PRR14L: variants seen among roughly 807,000 people sequenced by gnomAD.
PRR14L encodes protein PRR14L.
In PRR14L, 80 loss-of-function variants were observed where a neutral mutation model predicts 155.0. That is an observed-to-expected ratio of 0.52 (90% CI 0.43 to 0.62). The LOEUF is 0.62. Among genes scored for constraint, PRR14L ranks in the 20% least tolerant of loss-of-function variants. The pLI, the probability that PRR14L is intolerant of heterozygous loss-of-function variation, is 0.00. For missense variants in PRR14L, 2,469 were observed against 2,548.0 expected (o/e 0.97, Z 0.67); for synonymous variants, 883 against 916.0 (o/e 0.96, Z 0.65).
At chr22:31,699,177 C>T (rs1342459746) in intron 7 of PRR14L, among the ~76,000 whole-genome samples, 1 of 152,062 alleles carries the variant, frequency 6.6e-6, no homozygotes, top group Non-Finnish European at 1.5e-5. Flanking sequence ...GCTGGGATTA[C>T]AGGCGTGTGC....
At chr22:31,705,872 G>A (rs923975982) in intron 4 of PRR14L, among the ~76,000 whole-genome samples, 1 of 151,756 alleles carries the variant, frequency 6.6e-6, no homozygotes. Flanking sequence ...GTGGTGGTGG[G>A]TACTTGTAAT....
At position 31,712,760 on chromosome 22, in the gene PRR14L, G is replaced by C; in HGVS notation, c.5079C>G (p.Leu1693=). ...CTATGAAGGTCATCTTGATGGATTC[G>C]AGAGAATAAAGTGCCATGGGCTTAC... ...PNSKPMALYS[L]ESIKMTFIDL... is the part of the protein sequence containing the mutation. The change falls in exon 4 of 9, where the codon CTC becomes CTG. Residue 1693 remains leucine, a synonymous_variant. Transcript: ENST00000327423. 1 of 1,551,840 alleles carries C rather than the reference G, an allele frequency of 6.4e-7. No homozygotes were observed. The highest frequency in any genetic ancestry group is 8.7e-7 in the Non-Finnish European group (1 of 1,147,028).
intron 7 of PRR14L, among the ~76,000 whole-genome samples, chr22:31,696,331 G>C (rs998237642): frequency 6.6e-6 from 1 of 151,896 alleles, no homozygotes; most frequent in African/African-American, 2.4e-5. Flanking sequence ...AATAGAGATG[G>C]GGTTTCACCA....
rs1556456284 is a variant in PRR14L, at chr22:31,702,215, CTTTT to C, written c.6001-457_6001-454del. The stretch of plus-strand genomic sequence containing the variant: ...GACAAAGCTCCCACTTCTATTCCTG[CTTTT>C]TTTATTATTTATTTATTTTTTTGAT... On this transcript the variant is annotated intron_variant, in intron 6 of 8. Coordinates refer to ENST00000327423, the MANE Select transcript of PRR14L (RefSeq NM_173566.3). Among the ~76,000 whole-genome samples the C allele has an allele frequency of 1.9e-3, 284 of 149,468 alleles. 1 individual carries two copies. Among genetic ancestry groups the C allele is most frequent in the Non-Finnish European group, 3.0e-3 (206 of 67,944 alleles).
chr22:31,743,401 G>A (rs897821541), intron 1 of PRR14L, among the ~76,000 whole-genome samples: 5 of 152,162 alleles, frequency 3.3e-5, no homozygotes, highest in Non-Finnish European at 7.4e-5. Context: ...CAATTATGGT[G>A]ATGGCTGTAG....
rs1331597727 is a variant in PRR14L at position 31,715,146 on chromosome 22, A to C, written c.2693T>G (p.Leu898Arg). The change falls in exon 4 of 9, where the codon CTC becomes CGC. Residue 898 changes from leucine to arginine, a missense_variant. By Grantham distance (102) the Leu-to-Arg change is moderately radical. Coordinates refer to ENST00000327423, the MANE Select transcript of PRR14L (RefSeq NM_173566.3). ...KTIHTSSSIK[L>R]SEEGLEGKEQ... ...CTTTCCTTCCAGCCCTTCCTCACTGAGTTTGATGCTACTGGAGGTGTGAAT... is the reference window on the plus strand; with the variant it reads ...CTTTCCTTCCAGCCCTTCCTCACTGCGTTTGATGCTACTGGAGGTGTGAAT... 1.3e-6 allele frequency: 2 copies of C among 1,551,908 alleles called. No individual in the cohort carries two copies. The highest frequency in any genetic ancestry group is 8.7e-7 in the Non-Finnish European group (1 of 1,146,998).
At position 31,715,986 on chromosome 22, in the gene PRR14L, T is replaced by G. The variant is rs1310934807; in HGVS notation, c.1853A>C (p.Asp618Ala). 18 of 1,551,350 alleles carry G rather than the reference T, an allele frequency of 1.2e-5. No homozygotes were observed. Among genetic ancestry groups the G allele is most frequent in the Non-Finnish European group, 1.6e-5 (18 of 1,146,926 alleles). Residue 618 changes from aspartate to alanine, a missense_variant, in exon 4 of 9, where the codon GAT becomes GCT. Coordinates refer to ENST00000327423, the MANE Select transcript of PRR14L (RefSeq NM_173566.3). ...ESEKVIQTSH[D>A]DIPLLDEQSI... is the part of the protein sequence containing the mutation. ...CTGTTCATCTAAAAGTGGAATATCA[T>G]CATGTGAGGTCTGTATAACTTTTTC...
At chr22:31,711,546 C>G (rs1345414084) in intron 4 of PRR14L, among the ~76,000 whole-genome samples, 1 of 151,584 alleles carries the variant, frequency 6.6e-6, no homozygotes, top group Non-Finnish European at 1.5e-5. Context: ...TTTGGGAGGC[C>G]GAGGCAGGTG....
intron 1 of PRR14L, among the ~76,000 whole-genome samples, chr22:31,747,178 T>C (rs2074843261): frequency 6.6e-6 from 1 of 150,768 alleles, no homozygotes; most frequent in Admixed American, 6.7e-5. Context: ...CAGCATGATC[T>C]CGGCTCACCG....
In PRR14L at chr22:31,715,033, G is replaced by C. The variant is rs1038238428; in HGVS notation, c.2806C>G (p.Pro936Ala). 8 of 1,551,844 alleles carry C rather than the reference G, an allele frequency of 5.2e-6. No homozygotes were observed. The highest frequency in any genetic ancestry group is 6.1e-6 in the Non-Finnish European group (7 of 1,146,916). The change falls in exon 4 of 9, where the codon CCA (proline) becomes GCA (alanine). Residue 936 changes from proline to alanine, a missense_variant. By Grantham distance (27) the Pro-to-Ala change is conservative. Transcript: ENST00000327423. ...TGGTCCAACACTTTTTCAGGACCTG[G>C]AATGTTTACAGTCTGGTTTAGTTCT... is the stretch of plus-strand genomic sequence containing the variant. ...IQELNQTVNI[P>A]GPEKVLDQSP...
At chr22:31,733,617 A>G (rs131250) in intron 2 of PRR14L, among the ~76,000 whole-genome samples, 47,517 of 151,922 alleles carry the variant, frequency 0.31, 8,448 homozygotes, top group African/African-American at 0.5. Flanking sequence ...AGGTTTCCTT[A>G]AAGTGTTCGG....
intron 7 of PRR14L, among the ~76,000 whole-genome samples, chr22:31,689,359 C>A (rs1470134685): frequency 6.6e-6 from 1 of 151,904 alleles, no homozygotes; most frequent in Admixed American, 6.6e-5. Flanking sequence ...CCCTGAATCC[C>A]TTTGACATGA....
chr22:31,691,790 T>C (rs2074513069), intron 7 of PRR14L, among the ~76,000 whole-genome samples: 1 of 152,230 alleles, frequency 6.6e-6, no homozygotes, highest in Non-Finnish European at 1.5e-5. Flanking sequence ...TGAGGAACAT[T>C]TGGTTTCCAC....
Position 31,715,605 on chromosome 22 carries a change from T to G in PRR14L, c.2234A>C (p.Glu745Ala). The change falls in exon 4 of 9, where the codon GAA (glutamate) becomes GCA (alanine). Residue 745 changes from glutamate to alanine, a missense_variant. Coordinates refer to ENST00000327423, the MANE Select transcript of PRR14L (RefSeq NM_173566.3). ...IKPVSLERKK[E>A]MADSGTKALH... ...AGCTTTTGTTCCTGAATCAGCCATT[T>G]CCTTTTTTCTCTCTAGGCTTACTGG... is the stretch of plus-strand genomic sequence containing the variant. 1 of 1,552,052 alleles carries G rather than the reference T, an allele frequency of 6.4e-7. No individual in the cohort carries two copies.
chr22:31,722,831 C>T (rs971854368), intron 3 of PRR14L, among the ~76,000 whole-genome samples: 8 of 152,134 alleles, frequency 5.3e-5, no homozygotes, highest in South Asian at 2.1e-4. Context: ...TGCGCCCAGC[C>T]GGCATCATTC....
chr22:31,733,761 G>A (rs1390629990), intron 2 of PRR14L, among the ~76,000 whole-genome samples: 1 of 152,012 alleles, frequency 6.6e-6, no homozygotes, highest in Non-Finnish European at 1.5e-5. Context: ...AACCAGATAC[G>A]TTGTCATACA....
rs2074797515 is a variant in PRR14L, at chr22:31,738,866, C to G, written c.-6G>C. On this transcript the variant is annotated 5_prime_UTR_variant, in exon 2 of 9. Transcript: ENST00000327423. ...TCTACTCCAGATGACAGCATTAGGACAGATGCAGATTATGGAGTCAAGTCT... is the reference window on the plus strand; with the variant it reads ...TCTACTCCAGATGACAGCATTAGGAGAGATGCAGATTATGGAGTCAAGTCT... The G allele has an allele frequency of 2.7e-6, 4 of 1,504,936 alleles. No homozygotes were observed. The highest frequency in any genetic ancestry group is 3.6e-6 in the Non-Finnish European group (4 of 1,118,568). The allele number at this position is 1,504,936 out of a possible 1,614,324, so 93.2% of individuals were successfully genotyped here. A position where few individuals can be genotyped will look rare whatever the true frequency, so the allele number is the denominator to read the frequency against.
At chr22:31,724,806 G>A (rs2074708220) in intron 3 of PRR14L, among the ~76,000 whole-genome samples, 1 of 152,074 alleles carries the variant, frequency 6.6e-6, no homozygotes. Flanking sequence ...CTCTCTTTTG[G>A]ACCTCAGCTT....
Position 31,711,694 on chromosome 22 carries a change from G to C in PRR14L, c.5756+389C>G, listed in dbSNP as rs868486668. 3.6e-5 allele frequency among the ~76,000 whole-genome samples: 5 copies of C among 139,820 alleles called. No individual in the cohort carries two copies. The South Asian group carries it at 6.9e-4, about 19-fold the overall frequency. The allele number at this position is 139,820 out of a possible 152,430, so 91.7% of individuals were successfully genotyped here. A position where few individuals can be genotyped will look rare whatever the true frequency, so the allele number is the denominator to read the frequency against. Reference sequence around the variant, plus strand: ...AGCTACTCAGGAGGCTGAAGGAGGAGAATCGCTTGAACCCGGGAGGCGGAG... The same window carrying C: ...AGCTACTCAGGAGGCTGAAGGAGGACAATCGCTTGAACCCGGGAGGCGGAG... On this transcript the variant is annotated intron_variant, in intron 4 of 8. Transcript: ENST00000327423.
Sources: gnomAD v4.1 joint callset for allele counts (sites outside exome capture counted in the v4.1 genomes callset) on GRCh38, gnomAD v4.1.1 for gene constraint, MANE v1.5 for transcripts, NCBI Gene and HGNC (gene_info 2026-07-23, HGNC 2026-07-21) for gene names.